Variants in ULK4 observed in about 807,000 individuals in gnomAD.
ULK4 encodes inactive serine/threonine-protein kinase ULK4.
ULK4 carries 133 observed loss-of-function variants against 160.6 expected under a neutral mutation model. The observed-to-expected ratio is 0.83, with a 90% CI of 0.72 to 0.96. The LOEUF is 0.96. Among genes scored for constraint, ULK4 ranks in the 40% least tolerant of loss-of-function variants. ULK4 has a pLI of 0.00. For missense variants in ULK4, 1,580 were observed against 1,499.5 expected, an observed-to-expected ratio of 1.05 and a Z score of -0.89; for synonymous variants, 534 against 539.8, an observed-to-expected ratio of 0.99 and a Z score of 0.15.
rs987971932 is a variant in ULK4, at chr3:41,742,285, G to A, written c.2321+12076C>T. ...TAACAGTTACCCAATTCCCCTGGAG[G>A]GGTAGTGTCTATAAGACCCAGCAGA... is the stretch of plus-strand genomic sequence containing the variant. On this transcript the variant is annotated intron_variant, in intron 22 of 36. Coordinates refer to ENST00000301831, the MANE Select transcript of ULK4 (RefSeq NM_017886.4). Among the ~76,000 whole-genome samples the A allele has an allele frequency of 9.2e-5, 14 of 151,926 alleles. 1 individual carries two copies. The highest frequency in any genetic ancestry group is 1.6e-4 in the Non-Finnish European group (11 of 68,018).
In ULK4 at chr3:41,645,404, G is replaced by A. The variant is rs532079893; in HGVS notation, c.3071+18203C>T. ...TCTGGTATGTTGTGTCTTTGTTCTC[G>A]TTGGTTTCAAAGAACATCTTTATTT... On this transcript the variant is annotated intron_variant, in intron 30 of 36. Transcript: ENST00000301831. Among the ~76,000 whole-genome samples the A allele has an allele frequency of 1.2e-3, 183 of 151,974 alleles. 1 individual carries two copies. Among genetic ancestry groups the A allele is most frequent in the African/African-American group, 4.0e-3 (166 of 41,416 alleles).
intron 35 of ULK4, among the ~76,000 whole-genome samples, chr3:41,393,288 C>T (rs916833148): frequency 6.6e-6 from 1 of 152,108 alleles, no homozygotes; most frequent in Non-Finnish European, 1.5e-5. Context: ...TAAGATGCTG[C>T]CAGCAGCCGT....
intron 31 of ULK4, among the ~76,000 whole-genome samples, chr3:41,602,784 G>A (rs1055866861): frequency 1.3e-5 from 2 of 151,966 alleles, no homozygotes; most frequent in African/African-American, 4.8e-5. Context: ...CTAGTAGACT[G>A]TAACTTACAT....
At chr3:41,734,614 T>G (rs2037963674) in intron 22 of ULK4, among the ~76,000 whole-genome samples, 1 of 151,972 alleles carries the variant, frequency 6.6e-6, no homozygotes, top group Admixed American at 6.6e-5. Context: ...AACAGAAAAG[T>G]GGAAACCAAC....
intron 30 of ULK4, among the ~76,000 whole-genome samples, chr3:41,645,288 G>A (rs1200612952): frequency 6.6e-6 from 1 of 151,396 alleles, no homozygotes; most frequent in Non-Finnish European, 1.5e-5. Flanking sequence ...TGATGTTAGG[G>A]TGTCAATATT....
chr3:41,505,255 C>A (rs1359622788), intron 32 of ULK4, among the ~76,000 whole-genome samples: 1 of 152,094 alleles, frequency 6.6e-6, no homozygotes, highest in Non-Finnish European at 1.5e-5. Flanking sequence ...AAGAACATTG[C>A]GAACACCCAG....
chr3:41,699,170 A>G (rs1034578925), intron 27 of ULK4, among the ~76,000 whole-genome samples: 3 of 152,114 alleles, frequency 2.0e-5, no homozygotes, highest in South Asian at 2.1e-4. Context: ...CTACTGCCCA[A>G]TAGTTTTTCA....
intron 12 of ULK4, among the ~76,000 whole-genome samples, chr3:41,904,714 T>C (rs527432564): frequency 5.3e-5 from 8 of 152,288 alleles, no homozygotes; most frequent in Admixed American, 5.2e-4. Context: ...CCAAATACAC[T>C]TCACATTACA....
intron 35 of ULK4, among the ~76,000 whole-genome samples, chr3:41,304,892 C>G (rs537878794): frequency 6.6e-6 from 1 of 152,154 alleles, no homozygotes; most frequent in Non-Finnish European, 1.5e-5. Context: ...CTGCATTTGG[C>G]CCAGCTGCAG....
At chr3:41,712,145 G>T (rs1454755192) in intron 25 of ULK4, among the ~76,000 whole-genome samples, 1 of 152,130 alleles carries the variant, frequency 6.6e-6, no homozygotes, top group Non-Finnish European at 1.5e-5. Flanking sequence ...ATTAATTCTT[G>T]TATTTATGCC....
intron 21 of ULK4, among the ~76,000 whole-genome samples, chr3:41,777,154 A>G (rs1344610576): frequency 2.4e-4 from 16 of 65,396 alleles, no homozygotes; most frequent in Non-Finnish European, 3.4e-4. Flanking sequence ...GTCTTGGGAG[A>G]GTGTATGTGT....
chr3:41,341,026 A>G (rs1195859031), intron 35 of ULK4, among the ~76,000 whole-genome samples: 2 of 152,210 alleles, frequency 1.3e-5, no homozygotes, highest in Non-Finnish European at 2.9e-5. Flanking sequence ...CCCAAGCTGG[A>G]TATAGAGCCA....
At chr3:41,320,361 A>G (rs2080223082) in intron 35 of ULK4, among the ~76,000 whole-genome samples, 1 of 152,196 alleles carries the variant, frequency 6.6e-6, no homozygotes. Flanking sequence ...TAGTGATGAC[A>G]AATGTGATAA....
intron 17 of ULK4, among the ~76,000 whole-genome samples, chr3:41,856,350 C>A (rs961029843): frequency 2.6e-5 from 4 of 151,194 alleles, no homozygotes; most frequent in African/African-American, 9.7e-5. Flanking sequence ...AAGCTTGGGG[C>A]TACAAAGAAG....
intron 2 of ULK4, among the ~76,000 whole-genome samples, chr3:41,949,883 A>C (rs1327535474): frequency 6.7e-6 from 1 of 150,312 alleles, no homozygotes; most frequent in East Asian, 2.0e-4. Context: ...AGTAAAGCAC[A>C]CACCACTATG....
intron 2 of ULK4, among the ~76,000 whole-genome samples, chr3:41,950,901 T>C (rs1435501349): frequency 6.6e-6 from 1 of 151,656 alleles, no homozygotes; most frequent in African/African-American, 2.4e-5. Context: ...TCCCAGCACT[T>C]TGGGAGGCCG....
At chr3:41,271,877 T>C (rs989492009) in intron 35 of ULK4, among the ~76,000 whole-genome samples, 4 of 152,164 alleles carry the variant, frequency 2.6e-5, no homozygotes, top group Non-Finnish European at 4.4e-5. Flanking sequence ...TTCTGATGCT[T>C]CTCATTCCTT....
chr3:41,367,536 G>A (rs1326673350), intron 35 of ULK4, among the ~76,000 whole-genome samples: 5 of 152,166 alleles, frequency 3.3e-5, no homozygotes, highest in Admixed American at 6.5e-5. Flanking sequence ...TGGGGCCCAC[G>A]CTTCGCTCTT....
chr3:41,860,432 T>C (rs138198904), intron 17 of ULK4, among the ~76,000 whole-genome samples: 3 of 152,326 alleles, frequency 2.0e-5, no homozygotes, highest in Non-Finnish European at 2.9e-5. Flanking sequence ...TTTTACATTG[T>C]TATATCACCT....
Sources: allele counts gnomAD v4.1 joint callset (sites outside exome capture counted in the v4.1 genomes callset), GRCh38; gene constraint gnomAD v4.1.1; transcripts MANE v1.5; gene names NCBI Gene and HGNC (gene_info 2026-07-23, HGNC 2026-07-21).